Variants in HIP1R observed in about 807,000 individuals in gnomAD.
The protein encoded by HIP1R is huntingtin interacting protein 1 related.
In HIP1R, 135 loss-of-function variants were observed where a neutral mutation model predicts 144.2. The ratio of observed to expected loss-of-function variants is 0.94; its 90% CI spans 0.81 to 1.08. The LOEUF is 1.08. Ranked by LOEUF, HIP1R falls within the 50% of genes least tolerant of loss-of-function variation. The probability of loss-of-function intolerance (pLI) is 0.00; values close to 1 mark genes in which losing one functional copy is unlikely to be tolerated. For synonymous variants in HIP1R, 698 were observed against 612.8 expected (o/e 1.14, Z -2.05); for missense variants, 1,462 against 1,432.8 (o/e 1.02, Z -0.33).
At chr12:122,856,957 G>T in intron 17 of HIP1R, 64 bp from the exon 18 acceptor site, 1 of 1,475,136 alleles carries the variant, frequency 6.8e-7, no homozygotes, top group Non-Finnish European at 9.2e-7. Flanking sequence ...TTATAAGCGT[G>T]GGGGCAGGGT....
chr12:122,859,706 C>T, intron 23 of HIP1R, 66 bp from the exon 24 acceptor site: 5 of 1,556,972 alleles, frequency 3.2e-6, no homozygotes, highest in Non-Finnish European at 4.4e-6. Flanking sequence ...CAGGAGGCAG[C>T]CCTGGCTTTC....
In HIP1R at chr12:122,857,155, C is replaced by A; in HGVS notation, c.1755C>A (p.Ser585Arg). ...SLVRETEAAL[S>R]REQQRSSQEQ... is the part of the protein sequence containing the mutation. ...TGCGCGAGACAGAGGCGGCGCTGAG[C>A]CGGGAGCAGCAGCGCAGCTCCCAGG... is the stretch of plus-strand genomic sequence containing the variant. Residue 585 changes from serine (S) to arginine (R), a missense_variant, in exon 18 of 32, where the codon AGC becomes AGA. By Grantham distance (110) the Ser-to-Arg change is moderately radical. Coordinates refer to ENST00000253083, the MANE Select transcript of HIP1R (RefSeq NM_003959.3). The A allele has an allele frequency of 6.5e-7, 1 of 1,550,386 alleles. No individual in the cohort carries two copies. Among genetic ancestry groups the A allele is most frequent in the Non-Finnish European group, 8.7e-7 (1 of 1,146,856 alleles).
At chr12:122,854,629 G>A (rs918475424) in intron 8 of HIP1R, among the ~76,000 whole-genome samples, 25 of 152,370 alleles carry the variant, frequency 1.6e-4, no homozygotes, top group African/African-American at 5.5e-4. Flanking sequence ...TGGTGAAAGC[G>A]GCTTGCTAGT....
At chr12:122,850,128 G>C (rs755167763) in intron 5 of HIP1R, 173 bp downstream of exon 5, 6 of 699,212 alleles carry the variant, frequency 8.6e-6, no homozygotes, top group Non-Finnish European at 2.6e-6. Flanking sequence ...AGGGCATCAC[G>C]AAGCTCCTAG....
chr12:122,859,379 A>G (rs1566114560), intron 22 of HIP1R, 47 bp from the exon 23 acceptor site: 1 of 1,509,676 alleles, frequency 6.6e-7, no homozygotes, highest in Non-Finnish European at 9.2e-7. Context: ...TGCCCGTGGG[A>G]CGGGGGGGGA....
intron 5 of HIP1R, chr12:122,850,167 G>C: frequency 1.5e-6 from 1 of 679,444 alleles, no homozygotes; most frequent in Admixed American, 2.0e-5. Flanking sequence ...GTGGACGTGG[G>C]CACGGGCTTC....
rs1566110731 is a variant in HIP1R, at chr12:122,855,883, C to T, written c.1108C>T (p.Leu370=). Residue 370 remains leucine (L), a synonymous_variant, in exon 13 of 32, where the codon CTG becomes TTG. Transcript: ENST00000253083. ...KREVEMLRSE[L]EKIKLEAQRY... is the part of the protein sequence containing the mutation. Reference sequence around the variant, plus strand: ...AGAGGTGGAAATGCTCCGCTCTGAACTGGAGAAGATCAAGCTGGAGGTGCG... The same window carrying T: ...AGAGGTGGAAATGCTCCGCTCTGAATTGGAGAAGATCAAGCTGGAGGTGCG... 1.4e-6 allele frequency: 2 copies of T among 1,472,350 alleles called. No individual in the cohort carries two copies. Among genetic ancestry groups the T allele is most frequent in the Non-Finnish European group, 1.8e-6 (2 of 1,091,104 alleles). 91.2% of individuals were successfully genotyped at this position (1,472,350 alleles called of 1,614,324 possible). A position where few individuals can be genotyped will look rare whatever the true frequency, so the allele number is the denominator to read the frequency against.
rs751899254 is a variant in HIP1R at position 122,855,105 on chromosome 12, A to T, written c.829A>T (p.Ile277Phe). ...ASDMLYFKRL[I>F]QIPRLPEGPP... is the part of the protein sequence containing the mutation. The stretch of plus-strand genomic sequence containing the variant: ...CGACATGCTGTACTTCAAGCGGCTC[A>T]TCCAGATCCCCCGGCTGCCCGAGGT... The change falls in exon 10 of 32, where the codon ATC becomes TTC. Residue 277 changes from isoleucine to phenylalanine, a missense_variant. This residue lies in a region of HIP1R where 350 missense variants were observed against 421.1 expected (regional missense o/e 0.83). Transcript: ENST00000253083. 9 of 1,613,700 alleles carry T rather than the reference A, an allele frequency of 5.6e-6. No homozygotes were observed. The highest frequency in any genetic ancestry group is 7.6e-6 in the Non-Finnish European group (9 of 1,179,982).
intron 6 of HIP1R, 75 bp from the exon 7 acceptor site, chr12:122,851,135 GGTGTCGGCGGTGCCCCCGTCCCCACT>G: frequency 9.4e-7 from 1 of 1,066,512 alleles, no homozygotes; most frequent in Non-Finnish European, 1.3e-6. Context: ...CCAGAGCCAT[GGTGTCGGCGGTGCCCCCGTCCCCACT>G]GGAGGGGGCG....
intron 1 of HIP1R, among the ~76,000 whole-genome samples, chr12:122,837,583 C>T (rs1213100860): frequency 1.3e-5 from 2 of 152,188 alleles, no homozygotes; most frequent in Non-Finnish European, 2.9e-5. Flanking sequence ...CTCGGCCTCC[C>T]GAGATGTTGG....
chr12:122,858,720 T>G (rs924570962), intron 20 of HIP1R, 118 bp from the exon 21 acceptor site: 7 of 785,942 alleles, frequency 8.9e-6, no homozygotes, highest in Middle Eastern at 3.2e-4. Flanking sequence ...GACGTTGTCT[T>G]GCCGAGCCCT....
Position 122,835,517 on chromosome 12 carries a change from A to G in HIP1R, c.-34A>G, listed in dbSNP as rs1413007510. On this transcript the variant is annotated 5_prime_UTR_variant, in exon 1 of 32. Transcript: ENST00000253083. ...GACCGTGAGGCTGTGAGTCGCGCGGACGGAGCCGGACAAAAGCGGGCGGCG... is the reference window on the plus strand; with the variant it reads ...GACCGTGAGGCTGTGAGTCGCGCGGGCGGAGCCGGACAAAAGCGGGCGGCG... The G allele has an allele frequency of 1.1e-5, 14 of 1,307,254 alleles. No homozygotes were observed. Among genetic ancestry groups the G allele is most frequent in the African/African-American group, 3.1e-5 (2 of 64,392 alleles). 81.0% of individuals were successfully genotyped at this position (1,307,254 alleles called of 1,614,324 possible).
Position 122,861,750 on chromosome 12 carries a change from C to T in HIP1R, c.3204C>T (p.Tyr1068=). ...TCTACCCAGCTCAACTCGTGAACTACTAGGCCCCCCAGGGGTCCAGCAGGG... is the reference window on the plus strand; with the variant it reads ...TCTACCCAGCTCAACTCGTGAACTATTAGGCCCCCCAGGGGTCCAGCAGGG... ...DGIYPAQLVN[Y] Residue 1068 remains tyrosine (Y), a synonymous_variant, in exon 32 of 32, where the codon TAC becomes TAT. Transcript: ENST00000253083. 1 of 1,614,044 alleles carries T rather than the reference C, an allele frequency of 6.2e-7. No individual in the cohort carries two copies. Among genetic ancestry groups the T allele is most frequent in the South Asian group, 1.1e-5 (1 of 91,086 alleles).
chr12:122,843,797 C>T (rs754340664), intron 1 of HIP1R, among the ~76,000 whole-genome samples: 3 of 152,188 alleles, frequency 2.0e-5, no homozygotes, highest in Non-Finnish European at 4.4e-5. Context: ...GCTGTCTCTG[C>T]GGACCCTCCA....
rs1325858003 is a variant in HIP1R at position 122,849,961 on chromosome 12, T to C, written c.438+6T>C. The C allele has an allele frequency of 1.2e-6, 2 of 1,606,190 alleles. No homozygotes were observed. Among genetic ancestry groups the C allele is most frequent in the Non-Finnish European group, 1.7e-6 (2 of 1,173,268 alleles). The stretch of plus-strand genomic sequence containing the variant: ...AGATCTCCTTCCACCTCAAGGTGGT[T>C]TCCTCGGGGGAGTCATGGGGCTGAG... On this transcript the variant is annotated splice_donor_region_variant and intron_variant, in intron 5 of 31. Coordinates refer to ENST00000253083, the MANE Select transcript of HIP1R (RefSeq NM_003959.3).
chr12:122,861,727 T>C lies in HIP1R; in HGVS notation c.3181T>C (p.Tyr1061His), dbSNP rs2033779423. 6.2e-7 allele frequency: 1 copy of C among 1,614,004 alleles called. No homozygotes were observed. The highest frequency in any genetic ancestry group is 8.5e-7 in the Non-Finnish European group (1 of 1,179,904). Residue 1061 changes from tyrosine (Y) to histidine (H), a missense_variant, in exon 32 of 32, where the codon TAC (tyrosine) becomes CAC (histidine). Around this residue, in one of 2 missense-constraint regions of HIP1R, gnomAD observed 1,112 missense variants for 1,011.7 expected, o/e 1.10. Coordinates refer to ENST00000253083, the MANE Select transcript of HIP1R (RefSeq NM_003959.3). ...GCAGCTTGACAAAAAGGATGGCATC[T>C]ACCCAGCTCAACTCGTGAACTACTA... The part of the protein sequence containing the change: ...DHQLDKKDGI[Y>H]PAQLVNY
chr12:122,861,494 G>A lies in HIP1R; in HGVS notation c.3139G>A (p.Ala1047Thr), dbSNP rs1593894118. The stretch of plus-strand genomic sequence containing the variant: ...ACCCCTGGCCCAGAAGCCCAGCGTG[G>A]CCCCCAGACAGGACCACCAGGTGCC... ...KPPLAQKPSV[A>T]PRQDHQLDKK... Residue 1047 changes from alanine to threonine, a missense_variant, in exon 31 of 32, where the codon GCC becomes ACC. Coordinates refer to ENST00000253083, the MANE Select transcript of HIP1R (RefSeq NM_003959.3). 2 of 1,612,336 alleles carry A rather than the reference G, an allele frequency of 1.2e-6. No homozygotes were observed. The highest frequency in any genetic ancestry group is 1.3e-5 in the African/African-American group (1 of 74,962).
Position 122,848,858 on chromosome 12 carries a change from T to G in HIP1R, c.357+6T>G. On this transcript the variant is annotated splice_donor_region_variant and intron_variant, in intron 4 of 31. Coordinates refer to ENST00000253083, the MANE Select transcript of HIP1R (RefSeq NM_003959.3). Reference sequence around the variant, plus strand: ...GGGAGATTGGAGACCTGTGGGTAGGTCCAGCCATTCTAGGTCCTGCCTGGC... The same window carrying G: ...GGGAGATTGGAGACCTGTGGGTAGGGCCAGCCATTCTAGGTCCTGCCTGGC... 6.2e-7 allele frequency: 1 copy of G among 1,613,076 alleles called. No homozygotes were observed. The highest frequency in any genetic ancestry group is 8.5e-7 in the Non-Finnish European group (1 of 1,179,858).
In HIP1R at chr12:122,858,267, A is replaced by T; in HGVS notation, c.1963+18A>T. 1.9e-6 allele frequency: 3 copies of T among 1,578,500 alleles called. No individual in the cohort carries two copies. Among genetic ancestry groups the T allele is most frequent in the Non-Finnish European group, 2.6e-6 (3 of 1,156,432 alleles). On this transcript the variant is annotated intron_variant, in intron 19 of 31. Coordinates refer to ENST00000253083, the MANE Select transcript of HIP1R (RefSeq NM_003959.3). Reference sequence around the variant, plus strand: ...CTCCCCAGGTAGACAGTGGGGCCACACTCAGCCGCTCCCCTGCCTCCTTCC... The same window carrying T: ...CTCCCCAGGTAGACAGTGGGGCCACTCTCAGCCGCTCCCCTGCCTCCTTCC...
Sources: allele counts gnomAD v4.1 joint callset (sites outside exome capture counted in the v4.1 genomes callset), GRCh38; gene constraint gnomAD v4.1.1; regional missense constraint gnomAD v4.1.1; transcripts MANE v1.5; gene names NCBI Gene and HGNC (gene_info 2026-07-23, HGNC 2026-07-21).